Variants in STEAP1B observed in about 807,000 individuals in gnomAD.
STEAP1B encodes STEAP family protein MGC87042.
Under a neutral mutation model 27.9 loss-of-function variants are expected in STEAP1B, and 13 were observed. The ratio of observed to expected loss-of-function variants is 0.47; its 90% CI spans 0.30 to 0.74. STEAP1B has a LOEUF of 0.74. Ranked by LOEUF, STEAP1B falls within the 30% of genes least tolerant of loss-of-function variation. The pLI, the probability that STEAP1B is intolerant of heterozygous loss-of-function variation, is 0.06. For synonymous variants in STEAP1B, 86 were observed against 107.1 expected (o/e 0.80, Z 1.22); for missense variants, 250 against 298.7 (o/e 0.84, Z 1.20).
At chr7:22,457,635 A>T (rs1201439494) in intron 4 of STEAP1B, among the ~76,000 whole-genome samples, 5 of 152,332 alleles carry the variant, frequency 3.3e-5, no homozygotes, top group African/African-American at 1.2e-4. Flanking sequence ...GTTATTTTTG[A>T]ATCTGAGTTT....
chr7:22,485,999 G>A (rs1316738769), intron 4 of STEAP1B, among the ~76,000 whole-genome samples: 1 of 152,132 alleles, frequency 6.6e-6, no homozygotes, highest in Non-Finnish European at 1.5e-5. Flanking sequence ...ATACTGCCTG[G>A]CATACGTAAG....
chr7:22,430,036 T>C (rs1053718791), intron 4 of STEAP1B, among the ~76,000 whole-genome samples: 1 of 152,212 alleles, frequency 6.6e-6, no homozygotes, highest in Non-Finnish European at 1.5e-5. Flanking sequence ...ACTGACCCAC[T>C]AGCATCTTCA....
intron 4 of STEAP1B, among the ~76,000 whole-genome samples, chr7:22,486,918 C>T (rs980660498): frequency 6.6e-6 from 1 of 152,118 alleles, no homozygotes; most frequent in South Asian, 2.1e-4. Context: ...CAGTGCTTTC[C>T]CCAGGAAGGT....
chr7:22,472,718 AT>A (rs560235119), intron 4 of STEAP1B, among the ~76,000 whole-genome samples: 97 of 152,140 alleles, frequency 6.4e-4, no homozygotes, highest in Admixed American at 2.2e-3. Context: ...CCCTGTCCAG[AT>A]CTTTCTGCAC....
intron 4 of STEAP1B, among the ~76,000 whole-genome samples, chr7:22,469,762 A>G (rs900882685): frequency 6.6e-6 from 1 of 152,216 alleles, no homozygotes; most frequent in African/African-American, 2.4e-5. Context: ...ATGTTTACAC[A>G]ATGAAAAACA....
chr7:22,457,460 G>A (rs1785606273), intron 4 of STEAP1B, among the ~76,000 whole-genome samples: 1 of 152,180 alleles, frequency 6.6e-6, no homozygotes, highest in South Asian at 2.1e-4. Context: ...GGTTAAGGTT[G>A]AGAAATGGAG....
intron 4 of STEAP1B, among the ~76,000 whole-genome samples, chr7:22,487,804 CAAAAAAA>C (rs200447382): frequency 0.025 from 2,007 of 81,368 alleles, 35 homozygotes; most frequent in East Asian, 0.1. Flanking sequence ...AAACTCCACC[CAAAAAAA>C]AAAAAAAAAA....
intron 4 of STEAP1B, among the ~76,000 whole-genome samples, chr7:22,488,171 A>G (rs1263406556): frequency 1.3e-5 from 2 of 152,048 alleles, no homozygotes; most frequent in African/African-American, 4.8e-5. Flanking sequence ...ACCCCCTCCC[A>G]AGGAGCAACT....
At chr7:22,468,648 G>T (rs1485234383) in intron 4 of STEAP1B, among the ~76,000 whole-genome samples, 1 of 151,982 alleles carries the variant, frequency 6.6e-6, no homozygotes, top group Non-Finnish European at 1.5e-5. Flanking sequence ...ATCCTCACAG[G>T]GGCTTAGGTT....
chr7:22,425,579 T>A (rs1268814600), intron 4 of STEAP1B, among the ~76,000 whole-genome samples: 2 of 152,244 alleles, frequency 1.3e-5, no homozygotes, highest in African/African-American at 4.8e-5. Context: ...CTCTGAACAC[T>A]GTAACTGGCA....
intron 4 of STEAP1B, among the ~76,000 whole-genome samples, chr7:22,425,782 C>A (rs1009981470): frequency 9.2e-5 from 14 of 152,200 alleles, no homozygotes; most frequent in African/African-American, 3.4e-4. Context: ...CAGCAGAAAT[C>A]CTTAAGAAAA....
At chr7:22,496,748 C>G (rs1786448757) in intron 1 of STEAP1B, among the ~76,000 whole-genome samples, 1 of 152,140 alleles carries the variant, frequency 6.6e-6, no homozygotes, top group African/African-American at 2.4e-5. Flanking sequence ...TAAGTACACT[C>G]TATGATGTTT....
intron 1 of STEAP1B, among the ~76,000 whole-genome samples, chr7:22,498,757 C>A (rs1312251176): frequency 2.0e-5 from 3 of 152,194 alleles, no homozygotes; most frequent in African/African-American, 7.2e-5. Context: ...GTCTTCTAGA[C>A]CCAGTCCTGG....
intron 4 of STEAP1B, among the ~76,000 whole-genome samples, chr7:22,448,689 AAAGC>A (rs1785442606): frequency 6.6e-6 from 1 of 152,160 alleles, no homozygotes; most frequent in African/African-American, 2.4e-5. Context: ...TTGAACACAG[AAAGC>A]AAGATGGGAA....
chr7:22,487,657 A>G (rs1034384989), intron 4 of STEAP1B, among the ~76,000 whole-genome samples: 2 of 151,928 alleles, frequency 1.3e-5, no homozygotes, highest in Admixed American at 6.6e-5. Context: ...TTATAAAATT[A>G]GCCAGGCATG....
At position 22,446,656 on chromosome 7, in the gene STEAP1B, C is replaced by A. The variant is rs565452238; in HGVS notation, c.763-26820G>T. Among the ~76,000 whole-genome samples, 20 of 152,318 alleles carry A rather than the reference C, an allele frequency of 1.3e-4. 1 individual carries two copies. In the East Asian group the frequency reaches 3.5e-3, roughly 26 times the overall value. ...TGGAATATGAATGCTAATCTCACTTCTATAACCCTTATTTTTCTGAGCACT... is the reference window on the plus strand; with the variant it reads ...TGGAATATGAATGCTAATCTCACTTATATAACCCTTATTTTTCTGAGCACT... On this transcript the variant is annotated intron_variant, in intron 4 of 4. Coordinates refer to ENST00000678116, the MANE Select transcript of STEAP1B (RefSeq NM_001382447.1).
At chr7:22,487,889 C>T (rs1402262734) in intron 4 of STEAP1B, among the ~76,000 whole-genome samples, 2 of 147,084 alleles carry the variant, frequency 1.4e-5, no homozygotes, top group Admixed American at 6.8e-5. Flanking sequence ...GAAAAGAATA[C>T]AAGTAAAATA....
intron 4 of STEAP1B, among the ~76,000 whole-genome samples, chr7:22,454,506 G>C (rs947682365): frequency 1.8e-4 from 27 of 152,122 alleles, no homozygotes; most frequent in African/African-American, 5.3e-4. Context: ...GACTGAAAGA[G>C]TAACCCAGAG....
At chr7:22,488,163 C>T (rs1786249002) in intron 4 of STEAP1B, among the ~76,000 whole-genome samples, 1 of 152,196 alleles carries the variant, frequency 6.6e-6, no homozygotes, top group Admixed American at 6.5e-5. Context: ...TTGACTCCAC[C>T]CCCTCCCAAG....
Sources: allele counts gnomAD v4.1 joint callset (sites outside exome capture counted in the v4.1 genomes callset), GRCh38; gene constraint gnomAD v4.1.1; transcripts MANE v1.5; gene names NCBI Gene and HGNC (gene_info 2026-07-23, HGNC 2026-07-21).